Variants in TACC2 observed in about 807,000 individuals in gnomAD.
The protein encoded by TACC2 is transforming acidic coiled-coil-containing protein 2.
Under a neutral mutation model 227.3 loss-of-function variants are expected in TACC2, and 137 were observed. The ratio of observed to expected loss-of-function variants is 0.60; its 90% CI spans 0.52 to 0.69. The LOEUF (loss-of-function observed/expected upper bound fraction) is 0.69. Among genes scored for constraint, TACC2 ranks in the 30% least tolerant of loss-of-function variants. TACC2 has a pLI of 0.00. For missense variants in TACC2, 3,470 were observed against 3,694.4 expected, an observed-to-expected ratio of 0.94 and a Z score of 1.57; for synonymous variants, 1,523 against 1,487.5, an observed-to-expected ratio of 1.02 and a Z score of -0.55.
chr10:122,083,060 CCTT>C lies in TACC2; in HGVS notation c.563_565del (p.Phe188del), dbSNP rs780453024. On this transcript the variant is annotated inframe_deletion, in exon 4 of 23. Transcript: ENST00000369005. ...CCGAAGGAAGAAGGACAGAAGTCCT[CCTT>C]CTCCTTCTCCAGTGGCATCGACCAG... The C allele has an allele frequency of 2.0e-5, 32 of 1,612,548 alleles. No homozygotes were observed. The highest frequency in any genetic ancestry group is 2.7e-5 in the African/African-American group (2 of 74,928).
intron 1 of TACC2, among the ~76,000 whole-genome samples, chr10:122,021,204 G>A (rs186851037): frequency 6.0e-5 from 9 of 150,500 alleles, no homozygotes; most frequent in African/African-American, 2.2e-4. Context: ...ACTCTAGCCT[G>A]GGCGACAGAG....
intron 11 of TACC2, 21 bp downstream of exon 11, chr10:122,216,849 C>G (rs2095415782): frequency 1.2e-6 from 2 of 1,614,164 alleles, no homozygotes; most frequent in Middle Eastern, 1.6e-4. Flanking sequence ...CTGTAGCCAG[C>G]TGGACCCCCA....
intron 2 of TACC2, among the ~76,000 whole-genome samples, chr10:122,028,609 GT>G (rs144422759): frequency 0.15 from 22,959 of 152,022 alleles, 2,122 homozygotes; most frequent in Admixed American, 0.23. Context: ...GTTCCAAGAA[GT>G]TTGTTTGTTT....
intron 7 of TACC2, among the ~76,000 whole-genome samples, chr10:122,169,005 G>GATTT (rs998603695): frequency 1.3e-5 from 2 of 152,222 alleles, no homozygotes; most frequent in African/African-American, 4.8e-5. Context: ...TTCATGGACT[G>GATTT]ATGCTTTGTT....
chr10:122,170,393 C>G (rs548126010), intron 7 of TACC2, among the ~76,000 whole-genome samples: 2 of 151,576 alleles, frequency 1.3e-5, no homozygotes, highest in Admixed American at 1.3e-4. Context: ...GCCTCAGCCT[C>G]CCAAGTAGCT....
At chr10:122,080,744 G>A (rs2079377755) in intron 3 of TACC2, among the ~76,000 whole-genome samples, 1 of 152,144 alleles carries the variant, frequency 6.6e-6, no homozygotes, top group Non-Finnish European at 1.5e-5. Context: ...CCATCTCACT[G>A]TATGCATCCC....
rs1592160648 is a variant in TACC2, at chr10:122,114,053, G to GTTT, written c.5574-18556_5574-18555insTTT. On this transcript the variant is annotated intron_variant, in intron 5 of 22. Coordinates refer to ENST00000369005, the MANE Select transcript of TACC2 (RefSeq NM_206862.4). ...TCAGGCTCTGTCAAATGCTGGGACAGGAGAATGTGATAGCGGGTTGAAATA... is the reference window on the plus strand; with the variant it reads ...TCAGGCTCTGTCAAATGCTGGGACAGTTTGAGAATGTGATAGCGGGTTGAAATA... Among the ~76,000 whole-genome samples the GTTT allele has an allele frequency of 2.0e-5, 3 of 152,254 alleles. No homozygotes were observed. In the East Asian group the frequency reaches 5.8e-4, roughly 29 times the overall value.
At chr10:122,131,383 G>A (rs1427849712) in intron 5 of TACC2, among the ~76,000 whole-genome samples, 1 of 152,096 alleles carries the variant, frequency 6.6e-6, no homozygotes, top group Non-Finnish European at 1.5e-5. Context: ...CCTCCCCGAT[G>A]AAATAATAGG....
chr10:122,165,502 C>T (rs981349141), intron 7 of TACC2, among the ~76,000 whole-genome samples: 10 of 152,146 alleles, frequency 6.6e-5, no homozygotes, highest in Non-Finnish European at 1.2e-4. Context: ...ATCAGTGTTC[C>T]GTCAGCTGAG....
rs542360268 is a variant in TACC2 at position 122,234,532 on chromosome 10, C to A, written c.8128-2863C>A. On this transcript the variant is annotated intron_variant, in intron 16 of 22. Transcript: ENST00000369005. ...CTATCAATTTCTGTTAAAAACAATT[C>A]TTGGTTGTAAGGGGAAACCAGAGTG... Among the ~76,000 whole-genome samples, 9 of 152,294 alleles carry A rather than the reference C, an allele frequency of 5.9e-5. No homozygotes were observed. The South Asian group carries it at 1.9e-3, about 32-fold the overall frequency.
intron 11 of TACC2, among the ~76,000 whole-genome samples, chr10:122,223,496 T>A (rs573722456): frequency 2.6e-5 from 4 of 152,328 alleles, no homozygotes; most frequent in Non-Finnish European, 2.9e-5. Context: ...TTCTGGCCTT[T>A]AATCACAAAA....
intron 5 of TACC2, among the ~76,000 whole-genome samples, chr10:122,120,344 G>T (rs2085491773): frequency 1.3e-5 from 2 of 152,146 alleles, no homozygotes; most frequent in Admixed American, 1.3e-4. Flanking sequence ...AAAATTGTTT[G>T]GGCTGGAGGG....
intron 1 of TACC2, among the ~76,000 whole-genome samples, chr10:122,021,291 G>A (rs1423438655): frequency 6.6e-6 from 1 of 151,868 alleles, no homozygotes; most frequent in African/African-American, 2.4e-5. Flanking sequence ...GTGAGCTCAT[G>A]AAATGATTCT....
chr10:122,002,997 G>A (rs1954600876), intron 1 of TACC2, among the ~76,000 whole-genome samples: 1 of 152,132 alleles, frequency 6.6e-6, no homozygotes, highest in African/African-American at 2.4e-5. Flanking sequence ...GAGGTCGGGA[G>A]TTTGAAACCA....
intron 5 of TACC2, among the ~76,000 whole-genome samples, chr10:122,097,059 C>A (rs925141021): frequency 1.4e-4 from 22 of 152,012 alleles, no homozygotes; most frequent in African/African-American, 5.3e-4. Context: ...GGCACGGTGG[C>A]TCATGCCTAT....
At chr10:122,204,707 G>A (rs182143799) in intron 8 of TACC2, among the ~76,000 whole-genome samples, 244 of 152,296 alleles carry the variant, frequency 1.6e-3, no homozygotes, top group African/African-American at 5.6e-3. Flanking sequence ...GTGGTGTCAC[G>A]AGTTTGGCTA....
At chr10:122,118,668 T>G (rs1245647267) in intron 5 of TACC2, among the ~76,000 whole-genome samples, 1 of 152,154 alleles carries the variant, frequency 6.6e-6, no homozygotes, top group East Asian at 1.9e-4. Flanking sequence ...TCAGGGAAAA[T>G]CTGTAACTCT....
At chr10:122,113,123 C>G (rs1278912949) in intron 5 of TACC2, 1 of 152,364 alleles carries the variant, frequency 6.6e-6, no homozygotes, top group Admixed American at 6.5e-5. Flanking sequence ...GGTGACCCCA[C>G]GCGCCGCGCC....
At chr10:122,047,514 G>A (rs2075159781) in intron 2 of TACC2, among the ~76,000 whole-genome samples, 1 of 152,126 alleles carries the variant, frequency 6.6e-6, no homozygotes, top group Admixed American at 6.6e-5. Context: ...CCCCAGGTCA[G>A]CAGCCCCCTC....
Sources: gnomAD v4.1 joint callset for allele counts (sites outside exome capture counted in the v4.1 genomes callset) on GRCh38, gnomAD v4.1.1 for gene constraint, MANE v1.5 for transcripts, NCBI Gene and HGNC (gene_info 2026-07-23, HGNC 2026-07-21) for gene names.